The following MARCHF3 variants were observed in gnomAD, a reference collection of about 807,000 sequenced individuals.
MARCHF3 encodes membrane associated ring-CH-type finger 3, also known as E3 ubiquitin-protein ligase MARCHF3.
MARCHF3 carries 13 observed loss-of-function variants against 24.2 expected under a neutral mutation model. The observed-to-expected ratio is 0.54, with a 90% CI of 0.35 to 0.85. MARCHF3 has a LOEUF of 0.85. Among genes scored for constraint, MARCHF3 ranks in the 40% least tolerant of loss-of-function variants. MARCHF3 has a pLI of 0.01. For synonymous variants in MARCHF3, 144 were observed against 137.3 expected (o/e 1.05, Z -0.34); for missense variants, 276 against 325.0 (o/e 0.85, Z 1.16).
intron 1 of MARCHF3, among the ~76,000 whole-genome samples, chr5:127,006,957 A>C (rs1459668323): frequency 6.6e-6 from 1 of 152,114 alleles, no homozygotes; most frequent in Non-Finnish European, 1.5e-5. Context: ...CGTCTCAAGG[A>C]AACAGCTGCT....
At chr5:126,989,337 C>CTACTAATAA (rs1470245217) in intron 1 of MARCHF3, among the ~76,000 whole-genome samples, 81 of 141,412 alleles carry the variant, frequency 5.7e-4, no homozygotes, top group African/African-American at 2.1e-3. Flanking sequence ...ACTACTACTA[C>CTACTAATAA]TAATAATAAT....
At chr5:127,025,387 A>T (rs1752962271) in intron 1 of MARCHF3, among the ~76,000 whole-genome samples, 1 of 151,978 alleles carries the variant, frequency 6.6e-6, no homozygotes, top group Non-Finnish European at 1.5e-5. Flanking sequence ...AAGCAGGGTG[A>T]GCAGGTTGTG....
intron 3 of MARCHF3, among the ~76,000 whole-genome samples, chr5:126,895,833 G>T (rs1753870214): frequency 6.6e-6 from 1 of 152,154 alleles, no homozygotes; most frequent in South Asian, 2.1e-4. Flanking sequence ...GCTGTGGTGG[G>T]CTCCACCCAG....
At chr5:126,965,712 AAG>A (rs1169805126) in intron 1 of MARCHF3, among the ~76,000 whole-genome samples, 3 of 152,136 alleles carry the variant, frequency 2.0e-5, no homozygotes, top group Non-Finnish European at 2.9e-5. Flanking sequence ...GAGAGAGAGA[AAG>A]AGAGGATTTT....
intron 1 of MARCHF3, among the ~76,000 whole-genome samples, chr5:126,977,835 T>C (rs1751255782): frequency 6.6e-6 from 1 of 152,252 alleles, no homozygotes; most frequent in Admixed American, 6.5e-5. Context: ...TGTCCTAACA[T>C]CAAGGATGCC....
intron 1 of MARCHF3, among the ~76,000 whole-genome samples, chr5:126,935,287 C>T (rs1297175316): frequency 2.0e-5 from 3 of 152,162 alleles, no homozygotes; most frequent in African/African-American, 7.2e-5. Context: ...GGTAGGCCTC[C>T]TTCAATCATG....
intron 1 of MARCHF3, among the ~76,000 whole-genome samples, chr5:127,004,234 C>A (rs1468988785): frequency 6.6e-6 from 1 of 152,132 alleles, no homozygotes; most frequent in Non-Finnish European, 1.5e-5. Flanking sequence ...ATGATCTGCT[C>A]CCTATAAATA....
At chr5:126,911,855 G>A (rs149100930) in intron 3 of MARCHF3, among the ~76,000 whole-genome samples, 1 of 152,192 alleles carries the variant, frequency 6.6e-6, no homozygotes, top group Non-Finnish European at 1.5e-5. Flanking sequence ...AGGTCTAATT[G>A]TACGCCATAC....
intron 1 of MARCHF3, among the ~76,000 whole-genome samples, chr5:126,967,459 G>A (rs934448271): frequency 1.1e-4 from 17 of 152,234 alleles, no homozygotes; most frequent in Admixed American, 3.9e-4. Context: ...TTGAGAGGCC[G>A]AGGCAGGCGG....
At chr5:126,980,403 ACT>A (rs1229819942) in intron 1 of MARCHF3, among the ~76,000 whole-genome samples, 4 of 148,404 alleles carry the variant, frequency 2.7e-5, no homozygotes, top group African/African-American at 1.0e-4. Context: ...ATGGAGTCTC[ACT>A]CTGTTGCCAG....
intron 1 of MARCHF3, among the ~76,000 whole-genome samples, chr5:127,016,883 G>A (rs1300421369): frequency 6.6e-6 from 1 of 152,168 alleles, no homozygotes; most frequent in Non-Finnish European, 1.5e-5. Context: ...ATCAATGATA[G>A]ACTGGATTAA....
chr5:126,936,183 T>C (rs528514214), intron 1 of MARCHF3, among the ~76,000 whole-genome samples: 72 of 152,340 alleles, frequency 4.7e-4, no homozygotes, highest in Non-Finnish European at 9.3e-4. Context: ...TCAATAACCT[T>C]AAGATGGCTG....
chr5:127,005,721 C>A (rs1488373183), intron 1 of MARCHF3, among the ~76,000 whole-genome samples: 1 of 152,046 alleles, frequency 6.6e-6, no homozygotes. Context: ...GAGTAGAAAT[C>A]TTCAAAATTA....
intron 1 of MARCHF3, among the ~76,000 whole-genome samples, chr5:126,956,218 C>T (rs1406616446): frequency 6.6e-6 from 1 of 152,192 alleles, no homozygotes; most frequent in Non-Finnish European, 1.5e-5. Flanking sequence ...CGCAACCTAA[C>T]GATTTCTTTT....
At chr5:126,982,067 TC>T (rs1751413746) in intron 1 of MARCHF3, among the ~76,000 whole-genome samples, 1 of 152,226 alleles carries the variant, frequency 6.6e-6, no homozygotes, top group Non-Finnish European at 1.5e-5. Context: ...AATACCTAGT[TC>T]CAACATGTTA....
chr5:126,914,877 G>C lies in MARCHF3; in HGVS notation c.393+53C>G, dbSNP rs763217264. 8 of 1,577,804 alleles carry C rather than the reference G, an allele frequency of 5.1e-6. No homozygotes were observed. The South Asian group carries it at 8.9e-5, about 18-fold the overall frequency. On this transcript the variant is annotated intron_variant, in intron 3 of 4. Transcript: ENST00000308660. ...GGCTTGTGATCCAGGCATAAAAACA[G>C]ACATCATTTGCTCATTAGAGCTAAG...
intron 1 of MARCHF3, among the ~76,000 whole-genome samples, chr5:126,934,752 C>T (rs1225984456): frequency 1.3e-5 from 2 of 152,036 alleles, no homozygotes; most frequent in Non-Finnish European, 2.9e-5. Flanking sequence ...AATGACGAAA[C>T]GAGTGGATAC....
chr5:126,976,344 C>G (rs1223860246), intron 1 of MARCHF3, among the ~76,000 whole-genome samples: 1 of 152,164 alleles, frequency 6.6e-6, no homozygotes, highest in African/African-American at 2.4e-5. Context: ...AGCCCTGAAC[C>G]TAGGAATCAT....
intron 1 of MARCHF3, among the ~76,000 whole-genome samples, chr5:126,922,551 T>TATTTATTTATTTATTA: frequency 7.3e-6 from 1 of 136,748 alleles, no homozygotes; most frequent in East Asian, 2.1e-4. Context: ...TTTATTTATT[T>TATTTATTTATTTATTA]ATTATTTATT....
Sources: allele counts gnomAD v4.1 joint callset (sites outside exome capture counted in the v4.1 genomes callset), GRCh38; gene constraint gnomAD v4.1.1; transcripts MANE v1.5; gene names NCBI Gene and HGNC (gene_info 2026-07-23, HGNC 2026-07-21).